The following LAMB1 variants were observed in gnomAD, a reference collection of about 807,000 sequenced individuals.
LAMB1 encodes laminin subunit beta 1.
In LAMB1, 121 loss-of-function variants were observed where a neutral mutation model predicts 222.3. The observed-to-expected ratio is 0.54, with a 90% CI of 0.47 to 0.63. The LOEUF (loss-of-function observed/expected upper bound fraction) is 0.63, where lower values mean the gene tolerates loss of function less well. Ranked by LOEUF, LAMB1 falls within the 30% of genes least tolerant of loss-of-function variation. LAMB1 has a pLI of 0.00. For synonymous variants in LAMB1, 794 were observed against 807.2 expected (o/e 0.98, Z 0.28); for missense variants, 2,172 against 2,240.8 (o/e 0.97, Z 0.62).
rs1008941162 is a variant in LAMB1, at chr7:107,936,550, A to G, written c.3946+543T>C. On this transcript the variant is annotated intron_variant, in intron 26 of 33. Coordinates refer to ENST00000222399, the MANE Select transcript of LAMB1 (RefSeq NM_002291.3). ...ATACCAAGGGATGACGGTATTATAT[A>G]TAACAGCATGACATGTTTTTAGCTT... 3.3e-5 allele frequency among the ~76,000 whole-genome samples: 5 copies of G among 152,244 alleles called. 1 individual carries two copies. Among genetic ancestry groups the G allele is most frequent in the Admixed American group, 2.6e-4 (4 of 15,286 alleles).
At chr7:107,940,665 G>A (rs2032960007) in intron 24 of LAMB1, 2 of 313,902 alleles carry the variant, frequency 6.4e-6, no homozygotes, top group Non-Finnish European at 1.2e-5. Context: ...ACAGATGTGG[G>A]AACTCAGAGA....
chr7:107,987,997 CTT>C (rs2034111698), intron 5 of LAMB1, among the ~76,000 whole-genome samples: 1 of 152,188 alleles, frequency 6.6e-6, no homozygotes, highest in Non-Finnish European at 1.5e-5. Flanking sequence ...AAAAATAACT[CTT>C]GTGGTAGTTA....
Position 107,986,289 on chromosome 7 carries a change from G to A in LAMB1, c.498C>T (p.Phe166=), listed in dbSNP as rs766542299. ...GAAACGAGGCCTCACAGTCATAGGCGAAGTATCTATACACACCCCAGGTTT... is the reference window on the plus strand; with the variant it reads ...GAAACGAGGCCTCACAGTCATAGGCAAAGTATCTATACACACCCCAGGTTT... ...FGKTWGVYRY[F]AYDCEASFPG... is the part of the protein sequence containing the mutation. The change falls in exon 6 of 34, where the codon TTC becomes TTT. Residue 166 remains phenylalanine (F), a synonymous_variant. Coordinates refer to ENST00000222399, the MANE Select transcript of LAMB1 (RefSeq NM_002291.3). 18 of 1,614,050 alleles carry A rather than the reference G, an allele frequency of 1.1e-5. No individual in the cohort carries two copies. The highest frequency in any genetic ancestry group is 1.4e-5 in the Non-Finnish European group (16 of 1,179,934).
At chr7:107,981,216 G>A (rs2033966613) in intron 7 of LAMB1, among the ~76,000 whole-genome samples, 1 of 152,184 alleles carries the variant, frequency 6.6e-6, no homozygotes, top group Admixed American at 6.5e-5. Flanking sequence ...GGAGGCCGAG[G>A]TGGGCGGATC....
At chr7:107,940,511 T>C (rs1183433065) in intron 24 of LAMB1, 153 bp from the exon 25 acceptor site, 1 of 723,742 alleles carries the variant, frequency 1.4e-6, no homozygotes, top group African/African-American at 1.8e-5. Context: ...CTGTAGCAGC[T>C]TCCTCTAGCA....
chr7:107,981,138 C>A (rs1034733967), intron 7 of LAMB1, among the ~76,000 whole-genome samples: 1 of 152,078 alleles, frequency 6.6e-6, no homozygotes, highest in Non-Finnish European at 1.5e-5. Context: ...ATGGCAAAAC[C>A]CCATCTCTAA....
chr7:107,957,391 A>AAAAC (rs1310243588), intron 20 of LAMB1, among the ~76,000 whole-genome samples: 1 of 152,046 alleles, frequency 6.6e-6, no homozygotes, highest in Non-Finnish European at 1.5e-5. Context: ...ACTCCATCTC[A>AAAAC]AAACAAACAA....
At chr7:107,938,139 T>C (rs1462334625) in intron 25 of LAMB1, among the ~76,000 whole-genome samples, 1 of 152,182 alleles carries the variant, frequency 6.6e-6, no homozygotes, top group Non-Finnish European at 1.5e-5. Context: ...AATTGTCTTC[T>C]TGGCGATATA....
At chr7:107,949,518 G>C (rs1433534178) in intron 24 of LAMB1, among the ~76,000 whole-genome samples, 1 of 152,224 alleles carries the variant, frequency 6.6e-6, no homozygotes, top group Non-Finnish European at 1.5e-5. Flanking sequence ...ATTTTAAGCA[G>C]AGTTTTACTT....
At position 108,001,546 on chromosome 7, in the gene LAMB1, C is replaced by G. The variant is rs745705553; in HGVS notation, c.213+12G>C. 1.9e-6 allele frequency: 3 copies of G among 1,585,000 alleles called. No homozygotes were observed. In the South Asian group the frequency reaches 3.4e-5, roughly 18 times the overall value. On this transcript the variant is annotated intron_variant, in intron 3 of 33. Transcript: ENST00000222399. ...CGCTAGCAGAGCCTCGAACCCCGCT[C>G]TCAGCCCTCACCTGCAAGTGGCTGA...
rs2032946977 is a variant in LAMB1 at position 107,940,207 on chromosome 7, C to G, written c.3543G>C (p.Gln1181His). 1.2e-6 allele frequency: 2 copies of G among 1,614,222 alleles called. No homozygotes were observed. The highest frequency in any genetic ancestry group is 1.7e-6 in the Non-Finnish European group (2 of 1,180,040). Reference sequence around the variant, plus strand: ...TGATCACATCCCAGAGAGCAAAGCACTGGTGGCAGGGTGTGCAGTCAGGGA... The same window carrying G: ...TGATCACATCCCAGAGAGCAAAGCAGTGGTGGCAGGGTGTGCAGTCAGGGA... ...GVFPDCTPCH[Q>H]CFALWDVIIA... The change falls in exon 25 of 34, where the codon CAG becomes CAC. Residue 1181 changes from glutamine (Q) to histidine (H), a missense_variant. Physicochemically the swap from Gln to His is conservative, Grantham distance 24. Coordinates refer to ENST00000222399, the MANE Select transcript of LAMB1 (RefSeq NM_002291.3).
At chr7:107,966,460 C>T (rs989906622) in intron 13 of LAMB1, among the ~76,000 whole-genome samples, 18 of 152,210 alleles carry the variant, frequency 1.2e-4, no homozygotes, top group Non-Finnish European at 2.4e-4. Context: ...CCATCTGCTT[C>T]GGTCTCCCAA....
intron 5 of LAMB1, among the ~76,000 whole-genome samples, chr7:107,990,500 C>G (rs757999686): frequency 2.0e-5 from 3 of 152,236 alleles, no homozygotes; most frequent in African/African-American, 7.2e-5. Flanking sequence ...GATTTCACTA[C>G]TGTCAGTGGC....
Position 107,955,632 on chromosome 7 carries a change from T to G in LAMB1, c.2691-2A>C, listed in dbSNP as rs575865832. ...TCGCCATAGTAACCAGCCAAGCACC[T>G]GCATCAGTCACAGAAGAGAACAGGC... On this transcript the variant is annotated splice_acceptor_variant, in intron 20 of 33. Transcript: ENST00000222399. LOFTEE classifies it high-confidence loss of function. The G allele has an allele frequency of 6.2e-7, 1 of 1,610,600 alleles. No individual in the cohort carries two copies. The highest frequency in any genetic ancestry group is 1.3e-5 in the African/African-American group (1 of 74,930).
intron 5 of LAMB1, among the ~76,000 whole-genome samples, chr7:107,988,842 C>T (rs1294020798): frequency 6.6e-6 from 1 of 152,166 alleles, no homozygotes; most frequent in African/African-American, 2.4e-5. Flanking sequence ...CAGAAACCAA[C>T]CCTGCCAACA....
Position 107,959,406 on chromosome 7 carries a change from C to T in LAMB1, c.2533G>A (p.Gly845Arg), listed in dbSNP as rs1375032361. ...PVTGQCHCFQ[G>R]VYARQCDRCL... ...CGATCACACTGCCGAGCATACACTC[C>T]CTGGAAACAGTGGCACTGGCCAGTG... The change falls in exon 20 of 34, where the codon GGA becomes AGA. Residue 845 changes from glycine to arginine, a missense_variant. Physicochemically the swap from Gly to Arg is moderately radical, Grantham distance 125. Coordinates refer to ENST00000222399, the MANE Select transcript of LAMB1 (RefSeq NM_002291.3). 1 of 1,614,230 alleles carries T rather than the reference C, an allele frequency of 6.2e-7. No individual in the cohort carries two copies. Among genetic ancestry groups the T allele is most frequent in the South Asian group, 1.1e-5 (1 of 91,080 alleles).
chr7:107,983,587 C>T (rs750054280), intron 7 of LAMB1, among the ~76,000 whole-genome samples: 105 of 125,880 alleles, frequency 8.3e-4, no homozygotes, highest in Non-Finnish European at 2.5e-4. Context: ...GAGTCTTGCT[C>T]TGTCACCCAG....
intron 13 of LAMB1, among the ~76,000 whole-genome samples, chr7:107,969,003 T>C (rs1464479935): frequency 6.6e-6 from 1 of 152,268 alleles, no homozygotes; most frequent in East Asian, 1.9e-4. Flanking sequence ...AAAAATACAT[T>C]TATGGCTGGG....
chr7:107,994,824 T>C (rs2034253322), intron 5 of LAMB1, 63 bp downstream of exon 5: 2 of 886,912 alleles, frequency 2.3e-6, no homozygotes, highest in South Asian at 3.2e-5. Context: ...GACATCCATT[T>C]TGAAAGGGGA....
Sources: allele counts gnomAD v4.1 joint callset (sites outside exome capture counted in the v4.1 genomes callset), GRCh38; gene constraint gnomAD v4.1.1; transcripts MANE v1.5; gene names NCBI Gene and HGNC (gene_info 2026-07-23, HGNC 2026-07-21).